DHRS7C: variants seen among roughly 807,000 people sequenced by gnomAD.
DHRS7C encodes dehydrogenase/reductase SDR family member 7C.
DHRS7C carries 28 observed loss-of-function variants against 29.6 expected under a neutral mutation model. The ratio of observed to expected loss-of-function variants is 0.95; its 90% CI spans 0.70 to 1.30. The LOEUF (loss-of-function observed/expected upper bound fraction) is 1.30, where lower values mean the gene tolerates loss of function less well. DHRS7C is among the 50% of genes most tolerant of loss of function. The probability of loss-of-function intolerance (pLI) is 0.00; values close to 1 mark genes in which losing one functional copy is unlikely to be tolerated. For synonymous variants in DHRS7C, 158 were observed against 160.2 expected (o/e 0.99, Z 0.10); for missense variants, 403 against 393.3 (o/e 1.02, Z -0.21).
In DHRS7C at chr17:9,778,409, A is replaced by G. The variant is rs534452003; in HGVS notation, c.479-1124T>C. 2.7e-3 allele frequency among the ~76,000 whole-genome samples: 417 copies of G among 151,992 alleles called. 2 individuals carry two copies. Among genetic ancestry groups the G allele is most frequent in the African/African-American group, 5.0e-3 (209 of 41,512 alleles). ...GACTCCGTCTCAAAAAAAAAAAAAAAAAAGAAAGAAAGGAAAAAAACCAAG... is the reference window on the plus strand; with the variant it reads ...GACTCCGTCTCAAAAAAAAAAAAAAGAAAGAAAGAAAGGAAAAAAACCAAG... On this transcript the variant is annotated intron_variant, in intron 3 of 5. Coordinates refer to ENST00000571134, the MANE Select transcript of DHRS7C (RefSeq NM_001105571.3).
At chr17:9,782,253 C>G (rs181398905) in intron 1 of DHRS7C, among the ~76,000 whole-genome samples, 3 of 152,314 alleles carry the variant, frequency 2.0e-5, no homozygotes, top group Admixed American at 2.0e-4. Context: ...TCTTACATAT[C>G]GCTCTAGTTC....
rs1159268543 is a variant in DHRS7C at position 9,779,866 on chromosome 17, A to T, written c.437T>A (p.Ile146Asn). 2.6e-5 allele frequency: 42 copies of T among 1,613,646 alleles called. No individual in the cohort carries two copies. The highest frequency in any genetic ancestry group is 3.2e-5 in the Non-Finnish European group (38 of 1,179,836). ...GGGGCCAAAGTAATTGGCATCCATGATCTTTTTGTCGAGCTCCAGAGAAAT... is the reference window on the plus strand; with the variant it reads ...GGGGCCAAAGTAATTGGCATCCATGTTCTTTTTGTCGAGCTCCAGAGAAAT... ...HKISLELDKK[I>N]MDANYFGPIT... The change falls in exon 3 of 6, where the codon ATC (isoleucine) becomes AAC (asparagine). Residue 146 changes from isoleucine (I) to asparagine (N), a missense_variant. Transcript: ENST00000571134.
intron 1 of DHRS7C, among the ~76,000 whole-genome samples, chr17:9,788,686 C>T (rs543072038): frequency 3.3e-5 from 5 of 152,318 alleles, no homozygotes; most frequent in African/African-American, 9.6e-5. Context: ...CCATGGGGTT[C>T]GTGCAGGTTC....
intron 1 of DHRS7C, among the ~76,000 whole-genome samples, chr17:9,786,544 G>A (rs1274982701): frequency 6.6e-6 from 1 of 152,012 alleles, no homozygotes; most frequent in East Asian, 1.9e-4. Flanking sequence ...TGTTCACACA[G>A]GATGTCCCCA....
chr17:9,782,585 AC>A (rs1256375471), intron 1 of DHRS7C, among the ~76,000 whole-genome samples: 1 of 152,126 alleles, frequency 6.6e-6, no homozygotes, highest in Non-Finnish European at 1.5e-5. Flanking sequence ...AGGCTGTGTA[AC>A]TCCTAGGTAG....
chr17:9,778,276 C>A (rs2066373777), intron 3 of DHRS7C, among the ~76,000 whole-genome samples: 1 of 151,966 alleles, frequency 6.6e-6, no homozygotes, highest in Non-Finnish European at 1.5e-5. Context: ...CGCCTGTAGT[C>A]CCAGCTACTC....
chr17:9,787,820 ACCTCAGCCT>A lies in DHRS7C; in HGVS notation c.154+3302_154+3310del, dbSNP rs2066432626. ...CCTCCCGGGCTCAAACGATCCTCCC[ACCTCAGCCT>A]CCTGAGTAGCTGGGAATGCAGGCAT... On this transcript the variant is annotated intron_variant, in intron 1 of 5. Transcript: ENST00000571134. Among the ~76,000 whole-genome samples the A allele has an allele frequency of 2.0e-5, 3 of 151,770 alleles. No individual in the cohort carries two copies. The South Asian group carries it at 6.2e-4, about 32-fold the overall frequency.
At position 9,779,245 on chromosome 17, in the gene DHRS7C, G is replaced by A. The variant is rs534610685; in HGVS notation, c.478+580C>T. ...TTGATGGTGAGAAATCTGCACCTGG[G>A]TATCTCCTAGGCCCCTCAGACAGGT... is the stretch of plus-strand genomic sequence containing the variant. On this transcript the variant is annotated intron_variant, in intron 3 of 5. Transcript: ENST00000571134. 4.6e-5 allele frequency among the ~76,000 whole-genome samples: 7 copies of A among 152,204 alleles called. No individual in the cohort carries two copies. The South Asian group carries it at 1.5e-3, about 32-fold the overall frequency.
In DHRS7C at chr17:9,777,210, A is replaced by T; in HGVS notation, c.554T>A (p.Ile185Asn). 6.2e-7 allele frequency: 1 copy of T among 1,613,670 alleles called. No homozygotes were observed. Among genetic ancestry groups the T allele is most frequent in the South Asian group, 1.1e-5 (1 of 91,008 alleles). ...LVNNIQGKFG[I>N]PFRTTYAASK... ...CAACTTACAAGTCGTACGGAACGGGATTCCAAACTTCCCTTGGATATTATT... is the reference window on the plus strand; with the variant it reads ...CAACTTACAAGTCGTACGGAACGGGTTTCCAAACTTCCCTTGGATATTATT... The change falls in exon 4 of 6, where the codon ATC (isoleucine) becomes AAC (asparagine). Residue 185 changes from isoleucine to asparagine, a missense_variant. Ile to Asn is a moderately radical substitution (Grantham distance 149, BLOSUM62 -3). Transcript: ENST00000571134.
rs1366575293 is a variant in DHRS7C, at chr17:9,771,568, G to A, written c.856C>T (p.Arg286Cys). ...NPIPKAAVYV[R>C]TFFPEFFFAV... is the part of the protein sequence containing the mutation. The stretch of plus-strand genomic sequence containing the variant: ...AAAAAGAACTCCGGGAAGAAGGTGC[G>A]GACGTACACGGCGGCCTTGGGGATG... The change falls in exon 6 of 6, where the codon CGC becomes TGC. Residue 286 changes from arginine (R) to cysteine (C), a missense_variant. Arg to Cys is a radical substitution (Grantham distance 180). Coordinates refer to ENST00000571134, the MANE Select transcript of DHRS7C (RefSeq NM_001105571.3). The A allele has an allele frequency of 3.1e-6, 5 of 1,592,512 alleles. No homozygotes were observed. The highest frequency in any genetic ancestry group is 1.7e-5 in the Admixed American group (1 of 57,626).
intron 4 of DHRS7C, among the ~76,000 whole-genome samples, chr17:9,773,788 G>C (rs945998491): frequency 3.4e-5 from 5 of 146,460 alleles, no homozygotes; most frequent in Admixed American, 1.4e-4. Context: ...GCAGTGGTGC[G>C]ATCTCGGCTC....
chr17:9,779,447 G>A (rs572857118), intron 3 of DHRS7C, among the ~76,000 whole-genome samples: 2 of 152,304 alleles, frequency 1.3e-5, no homozygotes, highest in South Asian at 4.1e-4. Context: ...TTAGAAGCAG[G>A]TCAACCACAA....
chr17:9,776,502 G>T (rs1003706890), intron 4 of DHRS7C, among the ~76,000 whole-genome samples: 1 of 151,806 alleles, frequency 6.6e-6, no homozygotes, highest in African/African-American at 2.4e-5. Context: ...TTCCACCCTT[G>T]TACCCATCAA....
At chr17:9,789,098 G>A (rs533261493) in intron 1 of DHRS7C, among the ~76,000 whole-genome samples, 1 of 152,208 alleles carries the variant, frequency 6.6e-6, no homozygotes, top group South Asian at 2.1e-4. Context: ...ATCTCTCAAC[G>A]ATCAGTAAAA....
At chr17:9,771,913 G>A (rs867287107) in intron 5 of DHRS7C, among the ~76,000 whole-genome samples, 4 of 152,218 alleles carry the variant, frequency 2.6e-5, no homozygotes, top group African/African-American at 7.2e-5. Flanking sequence ...GGATGGACCT[G>A]GTTTCCTGCC....
At position 9,771,518 on chromosome 17, in the gene DHRS7C, C is replaced by A; in HGVS notation, c.906G>T (p.Lys302Asn). 1 of 1,563,386 alleles carries A rather than the reference C, an allele frequency of 6.4e-7. No homozygotes were observed. The highest frequency in any genetic ancestry group is 8.7e-7 in the Non-Finnish European group (1 of 1,150,982). ...FFFAVVACGV[K>N]EKLNVPEEG ...CCTCCTCCGGGACATTGAGCTTCTC[C>A]TTCACCCCACAGGCCACCACGGCGA... The change falls in exon 6 of 6, where the codon AAG becomes AAT. Residue 302 changes from lysine to asparagine, a missense_variant. By Grantham distance (94) the Lys-to-Asn change is moderately conservative. Transcript: ENST00000571134.
intron 3 of DHRS7C, 109 bp from the exon 4 acceptor site, chr17:9,777,394 G>A (rs538455341): frequency 1.7e-4 from 124 of 732,346 alleles, no homozygotes; most frequent in South Asian, 1.5e-3. Flanking sequence ...CGCTACCTCC[G>A]CGGTAACTAG....
At chr17:9,782,648 G>A (rs1385125881) in intron 1 of DHRS7C, among the ~76,000 whole-genome samples, 2 of 152,216 alleles carry the variant, frequency 1.3e-5, no homozygotes, top group Non-Finnish European at 2.9e-5. Flanking sequence ...GCATCTGCAC[G>A]CCATTTGCAA....
At chr17:9,780,332 C>G (rs1052184318) in intron 2 of DHRS7C, among the ~76,000 whole-genome samples, 2 of 152,170 alleles carry the variant, frequency 1.3e-5, no homozygotes, top group Admixed American at 6.5e-5. Context: ...TCACGGCAGT[C>G]CCTTTGCAGG....
Sources: allele counts gnomAD v4.1 joint callset (sites outside exome capture counted in the v4.1 genomes callset), GRCh38; gene constraint gnomAD v4.1.1; transcripts MANE v1.5; gene names NCBI Gene and HGNC (gene_info 2026-07-23, HGNC 2026-07-21).